The following METAP2 variants were observed in gnomAD, a reference collection of about 807,000 sequenced individuals.
The protein encoded by METAP2 is methionyl aminopeptidase 2, also known as methionine aminopeptidase 2.
In METAP2, 25 loss-of-function variants were observed where a neutral mutation model predicts 59.4. That is an observed-to-expected ratio of 0.42 (90% confidence interval 0.31 to 0.59). METAP2 has a LOEUF of 0.59. METAP2 is among the 20% of genes least tolerant of loss of function. METAP2 has a pLI of 0.16. For synonymous variants in METAP2, 214 were observed against 194.1 expected, an observed-to-expected ratio of 1.10 and a Z score of -0.85; for missense variants, 366 against 581.2, an observed-to-expected ratio of 0.63 and a Z score of 3.81.
chr12:95,496,821 C>CTTTTTTTTTTTTTTTT (rs777002045), intron 7 of METAP2, among the ~76,000 whole-genome samples: 1 of 100,936 alleles, frequency 9.9e-6, no homozygotes, highest in Non-Finnish European at 1.9e-5. Flanking sequence ...CTTTTTCTTT[C>CTTTTTTTTTTTTTTTT]TTTTTTTTTT....
In METAP2 at chr12:95,494,959, A is replaced by T. The variant is rs1398488773; in HGVS notation, c.593A>T (p.Glu198Val). 1 of 1,606,662 alleles carries T rather than the reference A, an allele frequency of 6.2e-7. No individual in the cohort carries two copies. The highest frequency in any genetic ancestry group is 8.5e-7 in the Non-Finnish European group (1 of 1,176,992). The change falls in exon 6 of 11, where the codon GAA (glutamate) becomes GTA (valine). Residue 198 changes from glutamate (E) to valine (V), a missense_variant and splice_region_variant. Physicochemically the swap from Glu to Val is moderately radical, Grantham distance 121. Coordinates refer to ENST00000323666, the MANE Select transcript of METAP2 (RefSeq NM_006838.4). ...KPGMTMIEIC[E>V]KLEDCSRKLI... Reference sequence around the variant, plus strand: ...TTCCCTTTGCTTTTTTGTTTTAGTGAAAAGTTGGAAGACTGTTCACGCAAG... The same window carrying T: ...TTCCCTTTGCTTTTTTGTTTTAGTGTAAAGTTGGAAGACTGTTCACGCAAG...
At chr12:95,488,511 CAAAAAAAAAAAAAA>C (rs537119415) in intron 4 of METAP2, among the ~76,000 whole-genome samples, 4 of 76,578 alleles carry the variant, frequency 5.2e-5, no homozygotes, top group Non-Finnish European at 8.4e-5. Context: ...TTTGTCTCAC[CAAAAAAAAAAAAAA>C]AAAAAAAAAA....
rs929357072 is a variant in METAP2, at chr12:95,511,264, G to A, written c.965-631G>A. On this transcript the variant is annotated intron_variant, in intron 8 of 10. Transcript: ENST00000323666. ...AACAATACAAATATGTATTTTTTAT[G>A]TTTCTAATAATTTGTGTACATGGCA... is the stretch of plus-strand genomic sequence containing the variant. Among the ~76,000 whole-genome samples the A allele has an allele frequency of 5.3e-5, 8 of 150,938 alleles. 1 individual carries two copies. The highest frequency in any genetic ancestry group is 4.6e-4 in the Admixed American group (7 of 15,138).
At chr12:95,507,504 TC>T (rs1333471526) in intron 8 of METAP2, among the ~76,000 whole-genome samples, 1 of 152,246 alleles carries the variant, frequency 6.6e-6, no homozygotes, top group African/African-American at 2.4e-5. Flanking sequence ...GCCCATCTTC[TC>T]CCTATTCTTA....
At chr12:95,497,171 G>A (rs2076281652) in intron 7 of METAP2, among the ~76,000 whole-genome samples, 1 of 151,984 alleles carries the variant, frequency 6.6e-6, no homozygotes, top group Non-Finnish European at 1.5e-5. Flanking sequence ...TCATAATATT[G>A]TGCAGCCATT....
At chr12:95,504,245 GT>G (rs2076339810) in intron 8 of METAP2, 84 bp downstream of exon 8, 14 of 878,768 alleles carry the variant, frequency 1.6e-5, no homozygotes, top group Non-Finnish European at 2.0e-5. Flanking sequence ...GCTGCTTCAT[GT>G]TTCTATCTTG....
chr12:95,492,132 T>TTGTGTGTGTG lies in METAP2; in HGVS notation c.429-1910_429-1901dup, dbSNP rs61423721. Among the ~76,000 whole-genome samples, 769 of 149,416 alleles carry TTGTGTGTGTG rather than the reference T, an allele frequency of 5.1e-3. 4 individuals carry two copies. Among genetic ancestry groups the TTGTGTGTGTG allele is most frequent in the African/African-American group, 0.013 (516 of 40,410 alleles). On this transcript the variant is annotated intron_variant, in intron 4 of 10. Transcript: ENST00000323666. Reference sequence around the variant, plus strand: ...CTATCGTGTGTATGTATATGTGTGTTTGTGTGTGTGTGTGTGTGTGTGTAT... The same window carrying TTGTGTGTGTG: ...CTATCGTGTGTATGTATATGTGTGTTTGTGTGTGTGTGTGTGTGTGTGTGTGTGTGTGTAT...
At chr12:95,487,670 A>G (rs1025222982) in intron 4 of METAP2, among the ~76,000 whole-genome samples, 1 of 147,098 alleles carries the variant, frequency 6.8e-6, no homozygotes, top group Admixed American at 6.9e-5. Flanking sequence ...GTAGCCTTCC[A>G]TATTTTTTCT....
rs961466480 is a variant in METAP2 at position 95,514,909 on chromosome 12, A to G, written c.*1005A>G. ...TTGGATTCTTAACATTACTAGTGGT[A>G]TTTCAGGAAGTGACGTTACAGTTAC... On this transcript the variant is annotated 3_prime_UTR_variant, in exon 11 of 11. Transcript: ENST00000323666. 2 of 152,434 alleles carry G rather than the reference A, an allele frequency of 1.3e-5. No homozygotes were observed. The highest frequency in any genetic ancestry group is 1.5e-5 in the Non-Finnish European group (1 of 68,024). 9.4% of individuals were successfully genotyped at this position (152,434 alleles called of 1,614,324 possible).
At position 95,482,220 on chromosome 12, in the gene METAP2, C is replaced by G. The variant is rs575911971; in HGVS notation, c.260-995C>G. On this transcript the variant is annotated intron_variant, in intron 2 of 10. Coordinates refer to ENST00000323666, the MANE Select transcript of METAP2 (RefSeq NM_006838.4). ...GACTTCCCTGGCTCAGGTGATCCTC[C>G]CACATCTCAGCTTTCCAAGTAACTG... The G allele has an allele frequency of 1.5e-4, 65 of 445,446 alleles. 2 individuals are homozygous for G. Among genetic ancestry groups the G allele is most frequent in the South Asian group, 1.0e-3 (64 of 62,714 alleles). The allele number at this position is 445,446 out of a possible 1,614,324, so 27.6% of individuals were successfully genotyped here.
At chr12:95,504,692 C>T (rs1399898389) in intron 8 of METAP2, among the ~76,000 whole-genome samples, 3 of 151,894 alleles carry the variant, frequency 2.0e-5, no homozygotes, top group Non-Finnish European at 2.9e-5. Context: ...TTTGTAGAGA[C>T]GAAGTCTCAC....
intron 8 of METAP2, among the ~76,000 whole-genome samples, chr12:95,510,321 G>C (rs917777529): frequency 6.6e-6 from 1 of 152,170 alleles, no homozygotes; most frequent in African/African-American, 2.4e-5. Flanking sequence ...GAATACCTGA[G>C]ACTAGGTAAT....
intron 3 of METAP2, 27 bp from the exon 4 acceptor site, chr12:95,485,852 A>C: frequency 1.4e-6 from 2 of 1,394,354 alleles, no homozygotes; most frequent in Non-Finnish European, 2.0e-6. Flanking sequence ...TAACTACAGA[A>C]GTTAATGCTT....
At chr12:95,504,540 A>G (rs1157183940) in intron 8 of METAP2, among the ~76,000 whole-genome samples, 1 of 152,186 alleles carries the variant, frequency 6.6e-6, no homozygotes, top group Non-Finnish European at 1.5e-5. Flanking sequence ...TCCGTCATCC[A>G]GGCTGGAGCG....
intron 1 of METAP2, 141 bp from the exon 2 acceptor site, chr12:95,475,930 C>T (rs1410416556): frequency 1.3e-5 from 7 of 558,490 alleles, no homozygotes; most frequent in Non-Finnish European, 2.2e-5. Context: ...TGTCATTAAA[C>T]GAATTCTGTT....
At chr12:95,483,121 TA>T in intron 2 of METAP2, 93 bp from the exon 3 acceptor site, 2 of 914,698 alleles carry the variant, frequency 2.2e-6, no homozygotes, top group Non-Finnish European at 3.6e-6. Flanking sequence ...TTTGTTCATT[TA>T]TTGAATAGAG....
intron 4 of METAP2, among the ~76,000 whole-genome samples, chr12:95,491,245 T>A (rs908458437): frequency 6.6e-6 from 1 of 152,212 alleles, no homozygotes; most frequent in Non-Finnish European, 1.5e-5. Context: ...TCTTAACAAC[T>A]TTTCACTTAA....
At chr12:95,496,828 T>C (rs559123932) in intron 7 of METAP2, among the ~76,000 whole-genome samples, 2 of 146,332 alleles carry the variant, frequency 1.4e-5, no homozygotes, top group South Asian at 2.2e-4. Context: ...TTTCTTTTTT[T>C]TTTTTTTTTT....
intron 4 of METAP2, among the ~76,000 whole-genome samples, chr12:95,486,608 C>G (rs1164893969): frequency 1.3e-5 from 2 of 151,970 alleles, no homozygotes; most frequent in Non-Finnish European, 2.9e-5. Flanking sequence ...AGTGATTCTC[C>G]TGCTCCAGCC....
Sources: gnomAD v4.1 joint callset for allele counts (sites outside exome capture counted in the v4.1 genomes callset) on GRCh38, gnomAD v4.1.1 for gene constraint, MANE v1.5 for transcripts, NCBI Gene and HGNC (gene_info 2026-07-23, HGNC 2026-07-21) for gene names.